The following CSPG5 variants were observed in gnomAD, a reference collection of about 807,000 sequenced individuals.
CSPG5 encodes the protein acidic leucine-rich EGF-like domain-containing brain protein.
In CSPG5, 25 loss-of-function variants were observed where a neutral mutation model predicts 39.8. The observed-to-expected ratio is 0.63, with a 90% CI of 0.46 to 0.88. The LOEUF (loss-of-function observed/expected upper bound fraction) is 0.88. CSPG5 is among the 40% of genes least tolerant of loss of function. The probability of loss-of-function intolerance (pLI) is 0.00; values close to 1 mark genes in which losing one functional copy is unlikely to be tolerated. For synonymous variants in CSPG5, 295 were observed against 303.9 expected, an observed-to-expected ratio of 0.97 and a Z score of 0.31; for missense variants, 627 against 702.2, an observed-to-expected ratio of 0.89 and a Z score of 1.21.
Position 47,576,825 on chromosome 3 carries a change from G to T in CSPG5, c.1193+8C>A. 1.9e-6 allele frequency: 3 copies of T among 1,545,086 alleles called. No homozygotes were observed. Among genetic ancestry groups the T allele is most frequent in the African/African-American group, 2.7e-5 (2 of 73,150 alleles). ...GTGTCCCTATGCACCTGCCTGCCAT[G>T]CCCTTACCTGCAGAAGGCCCCTATG... On this transcript the variant is annotated splice_region_variant and intron_variant, in intron 2 of 4. Coordinates refer to ENST00000264723, the MANE Select transcript of CSPG5 (RefSeq NM_006574.4).
Position 47,562,488 on chromosome 3 carries a change from A to G in CSPG5, c.*112T>C. On this transcript the variant is annotated 3_prime_UTR_variant, in exon 5 of 5. Transcript: ENST00000264723. ...TAAAAGCATGCCATGAGATCAGAAAAAGAAAAGAGTTTAACAAATGGTTAC... is the reference window on the plus strand; with the variant it reads ...TAAAAGCATGCCATGAGATCAGAAAGAGAAAAGAGTTTAACAAATGGTTAC... The G allele has an allele frequency of 1.8e-6, 2 of 1,105,498 alleles. No individual in the cohort carries two copies. The highest frequency in any genetic ancestry group is 2.6e-6 in the Non-Finnish European group (2 of 779,886). The allele number at this position is 1,105,498 out of a possible 1,614,324, so 68.5% of individuals were successfully genotyped here.
intron 4 of CSPG5, among the ~76,000 whole-genome samples, chr3:47,567,385 C>T (rs774488111): frequency 9.9e-5 from 15 of 152,066 alleles, no homozygotes; most frequent in South Asian, 2.1e-4. Context: ...ATGTGCTCAC[C>T]GAGACTCTGT....
At chr3:47,569,050 G>C in intron 4 of CSPG5, 102 bp downstream of exon 4, 2 of 1,473,592 alleles carry the variant, frequency 1.4e-6, no homozygotes, top group Non-Finnish European at 1.8e-6. Context: ...TAAGAGGAGA[G>C]ATGTGAAGAA....
chr3:47,572,567 G>A lies in CSPG5; in HGVS notation c.1382+119C>T. On this transcript the variant is annotated intron_variant, in intron 3 of 4. Transcript: ENST00000264723. The surrounding 1 kb of genome is among the most constrained non-coding windows in gnomAD (Gnocchi z 4.5). Reference sequence around the variant, plus strand: ...TAGCACAGACAAAACAGCTGGGAATGGAGCACAGGTGCCAGAAACCCTCAC... The same window carrying A: ...TAGCACAGACAAAACAGCTGGGAATAGAGCACAGGTGCCAGAAACCCTCAC... The A allele has an allele frequency of 1.2e-6, 1 of 826,648 alleles. No homozygotes were observed. The highest frequency in any genetic ancestry group is 1.7e-5 in the South Asian group (1 of 60,388). 51.2% of individuals were successfully genotyped at this position (826,648 alleles called of 1,614,324 possible).
At chr3:47,569,346 G>A in intron 3 of CSPG5, 119 bp from the exon 4 acceptor site, 2 of 1,002,940 alleles carry the variant, frequency 2.0e-6, no homozygotes, top group African/African-American at 1.6e-5. Context: ...GCTCGCGCCT[G>A]TAATCCTAGC....
At chr3:47,571,772 T>A (rs1383846636) in intron 3 of CSPG5, among the ~76,000 whole-genome samples, 5 of 151,860 alleles carry the variant, frequency 3.3e-5, no homozygotes, top group Non-Finnish European at 7.4e-5. Flanking sequence ...GGGCAACAGG[T>A]TGAAAGGGAA....
At chr3:47,568,922 A>G (rs1433492208) in intron 4 of CSPG5, 4 of 546,744 alleles carry the variant, frequency 7.3e-6, no homozygotes, top group African/African-American at 2.0e-5. Flanking sequence ...TACACCATCA[A>G]GTGCTTATTC....
At position 47,577,807 on chromosome 3, in the gene CSPG5, C is replaced by T. The variant is rs762121350; in HGVS notation, c.219G>A (p.Ala73=). ...AGPPAAGEDE[A]SWTAPGGELA... Reference sequence around the variant, plus strand: ...GCTCGCCACCGGGCGCCGTCCACGACGCCTCATCTTCCCCAGCCGCTGGTG... The same window carrying T: ...GCTCGCCACCGGGCGCCGTCCACGATGCCTCATCTTCCCCAGCCGCTGGTG... The change falls in exon 2 of 5, where the codon GCG becomes GCA. Residue 73 remains alanine (A), a synonymous_variant. Coordinates refer to ENST00000264723, the MANE Select transcript of CSPG5 (RefSeq NM_006574.4). This position sits in a 1 kb window ranked among gnomAD's most constrained non-coding sequence, Gnocchi z 4.7. The T allele has an allele frequency of 7.6e-6, 12 of 1,580,214 alleles. No individual in the cohort carries two copies. The South Asian group carries it at 7.9e-5, about 10-fold the overall frequency.
At position 47,572,959 on chromosome 3, in the gene CSPG5, A is replaced by G. The variant is rs775238598; in HGVS notation, c.1194-85T>C. On this transcript the variant is annotated intron_variant, in intron 2 of 4. Transcript: ENST00000264723. This position sits in a 1 kb window ranked among gnomAD's most constrained non-coding sequence, Gnocchi z 4.5. ...GGCCTGGGCCCTGACCCCAACACCT[A>G]TCTCCACAGCCTGTTCCGAAGGCCA... 7.0e-5 allele frequency: 80 copies of G among 1,147,192 alleles called. No homozygotes were observed. Among genetic ancestry groups the G allele is most frequent in the Non-Finnish European group, 8.4e-5 (68 of 806,980 alleles). The allele number at this position is 1,147,192 out of a possible 1,614,324, so 71.1% of individuals were successfully genotyped here.
rs190942156 is a variant in CSPG5, at chr3:47,576,127, G to C, written c.1193+706C>G. Among the ~76,000 whole-genome samples, 1,137 of 151,994 alleles carry C rather than the reference G, an allele frequency of 7.5e-3. 7 individuals are homozygous for C. Among genetic ancestry groups the C allele is most frequent in the Non-Finnish European group, 0.012 (831 of 67,972 alleles). ...ATTTTTTATGTTTTTAGTAGAGACA[G>C]GGTTTCTCCATGTTGGTCAGGCTGG... On this transcript the variant is annotated intron_variant, in intron 2 of 4. Transcript: ENST00000264723.
chr3:47,565,689 A>G (rs1277138411), intron 4 of CSPG5, among the ~76,000 whole-genome samples: 1 of 152,162 alleles, frequency 6.6e-6, no homozygotes, highest in Non-Finnish European at 1.5e-5. Flanking sequence ...AGGAAAAAAA[A>G]AAAAAAAGCA....
intron 4 of CSPG5, among the ~76,000 whole-genome samples, chr3:47,565,357 C>T (rs949798062): frequency 6.6e-6 from 1 of 152,230 alleles, no homozygotes; most frequent in African/African-American, 2.4e-5. Context: ...AGATGGGGCT[C>T]TCCTAACTCA....
At position 47,562,469 on chromosome 3, in the gene CSPG5, C is replaced by A; in HGVS notation, c.*131G>T. 1.1e-6 allele frequency: 1 copy of A among 925,986 alleles called. No homozygotes were observed. Among genetic ancestry groups the A allele is most frequent in the Non-Finnish European group, 1.6e-6 (1 of 620,842 alleles). The allele number at this position is 925,986 out of a possible 1,614,324, so 57.4% of individuals were successfully genotyped here. On this transcript the variant is annotated 3_prime_UTR_variant, in exon 5 of 5. Coordinates refer to ENST00000264723, the MANE Select transcript of CSPG5 (RefSeq NM_006574.4). ...GCCTCCTGTACAAAATACATAAAAG[C>A]ATGCCATGAGATCAGAAAAAGAAAA... is the stretch of plus-strand genomic sequence containing the variant.
At chr3:47,573,835 G>A (rs757059486) in intron 2 of CSPG5, among the ~76,000 whole-genome samples, 16 of 152,314 alleles carry the variant, frequency 1.1e-4, no homozygotes, top group South Asian at 4.2e-4. Flanking sequence ...AGCCTCTGCC[G>A]TCATGGGGAG....
At chr3:47,575,929 CTT>C (rs370578310) in intron 2 of CSPG5, among the ~76,000 whole-genome samples, 13 of 99,648 alleles carry the variant, frequency 1.3e-4, no homozygotes, top group South Asian at 3.7e-4. Flanking sequence ...TTCATTTTGC[CTT>C]TTTTTTTTTT....
At chr3:47,576,449 C>G (rs940030716) in intron 2 of CSPG5, among the ~76,000 whole-genome samples, 2 of 148,484 alleles carry the variant, frequency 1.3e-5, no homozygotes, top group African/African-American at 4.9e-5. Context: ...ACGCTGCCCT[C>G]TGTTTTGTTT....
At chr3:47,569,258 G>GT in intron 3 of CSPG5, 31 bp from the exon 4 acceptor site, 2 of 1,604,540 alleles carry the variant, frequency 1.2e-6, no homozygotes, top group Non-Finnish European at 1.7e-6. Context: ...AAGGAAACAT[G>GT]TAAGTGAAAT....
intron 2 of CSPG5, among the ~76,000 whole-genome samples, chr3:47,574,185 A>G (rs1168443044): frequency 2.0e-5 from 3 of 152,214 alleles, no homozygotes; most frequent in Non-Finnish European, 4.4e-5. Flanking sequence ...TGGTAGACCC[A>G]TGCTGGCAGA....
At chr3:47,569,102 G>T in intron 4 of CSPG5, 50 bp downstream of exon 4, 1 of 1,567,854 alleles carries the variant, frequency 6.4e-7, no homozygotes, top group South Asian at 1.2e-5. Flanking sequence ...GTGAGCCAAG[G>T]CACGGGCATG....
Sources: allele counts gnomAD v4.1 joint callset (sites outside exome capture counted in the v4.1 genomes callset), GRCh38; gene constraint gnomAD v4.1.1; non-coding constraint Gnocchi (gnomAD v3.1); transcripts MANE v1.5; gene names NCBI Gene and HGNC (gene_info 2026-07-23, HGNC 2026-07-21).